ALDH1L1: variants seen among roughly 807,000 people sequenced by gnomAD.
ALDH1L1 encodes the protein aldehyde dehydrogenase 1 family member L1, also known as cytosolic 10-formyltetrahydrofolate dehydrogenase.
A neutral mutation model predicts 101.1 loss-of-function variants in ALDH1L1; 68 were observed. The observed-to-expected ratio is 0.67, with a 90% CI of 0.55 to 0.82. The LOEUF (loss-of-function observed/expected upper bound fraction) is 0.82. ALDH1L1 is among the 40% of genes least tolerant of loss of function. ALDH1L1 has a pLI of 0.00. For synonymous variants in ALDH1L1, 486 were observed against 470.8 expected (o/e 1.03, Z -0.42); for missense variants, 1,087 against 1,172.7 (o/e 0.93, Z 1.07).
At chr3:126,183,580 C>T (rs2081493550), upstream of ALDH1L1, among the ~76,000 whole-genome samples, 1 of 152,190 alleles carries the variant, frequency 6.6e-6, no homozygotes. Flanking sequence ...AAGAGACTTT[C>T]AGGACCCGCC....
At chr3:126,114,808 G>A (rs1243256866) in intron 17 of ALDH1L1, 152 bp from the exon 18 acceptor site, 1 of 544,434 alleles carries the variant, frequency 1.8e-6, no homozygotes, top group Middle Eastern at 2.7e-4. Context: ...CCCACCCCTT[G>A]CGGCTTCACA....
At chr3:126,189,489 C>T (rs1190004612) in intron 1 of ALDH1L1, among the ~76,000 whole-genome samples, 1 of 152,252 alleles carries the variant, frequency 6.6e-6, no homozygotes, top group East Asian at 1.9e-4. Context: ...GAGTTGTGAA[C>T]CCAGCCAAGG....
intron 1 of ALDH1L1, among the ~76,000 whole-genome samples, chr3:126,195,600 T>C (rs2081577310): frequency 1.3e-5 from 2 of 152,194 alleles, no homozygotes; most frequent in South Asian, 4.1e-4. Context: ...GACCCAGCCA[T>C]CCCATTACTG....
chr3:126,145,986 A>G (rs762306030), intron 9 of ALDH1L1, among the ~76,000 whole-genome samples: 2 of 151,938 alleles, frequency 1.3e-5, no homozygotes, highest in Non-Finnish European at 2.9e-5. Flanking sequence ...TTCTTGGCAT[A>G]TTTTTTACAA....
intron 14 of ALDH1L1, among the ~76,000 whole-genome samples, chr3:126,127,070 G>C (rs774441463): frequency 6.6e-6 from 1 of 152,178 alleles, no homozygotes; most frequent in Non-Finnish European, 1.5e-5. Context: ...GCCCACATCT[G>C]ACCTCAGATT....
At chr3:126,119,038 ACT>A (rs1559923859) in intron 16 of ALDH1L1, among the ~76,000 whole-genome samples, 1 of 151,820 alleles carries the variant, frequency 6.6e-6, no homozygotes, top group Non-Finnish European at 1.5e-5. Context: ...TTGGCTTCTG[ACT>A]CTGCACCCTC....
In ALDH1L1 at chr3:126,124,372, G is replaced by A. The variant is rs773630933; in HGVS notation, c.1880C>T (p.Pro627Leu). 5.6e-6 allele frequency: 9 copies of A among 1,611,360 alleles called. No individual in the cohort carries two copies. The East Asian group carries it at 1.3e-4, about 24-fold the overall frequency. ...CCGACAATGGCTCTTACCAGATCCT[G>A]GGAGGACGTTAACCACACCTTTGGG... ...GIPKGVVNVL[P>L]GSGSLVGQRL... Residue 627 changes from proline (P) to leucine (L), a missense_variant, in exon 16 of 23, where the codon CCA becomes CTA. Around this residue, in one of 2 missense-constraint regions of ALDH1L1, gnomAD observed 442 missense variants for 535.7 expected, o/e 0.83. Coordinates refer to ENST00000393434, the MANE Select transcript of ALDH1L1 (RefSeq NM_012190.4).
intron 16 of ALDH1L1, among the ~76,000 whole-genome samples, chr3:126,122,246 A>G (rs2080094134): frequency 6.6e-6 from 1 of 150,636 alleles, no homozygotes; most frequent in Non-Finnish European, 1.5e-5. Flanking sequence ...CACAGGAAAA[A>G]GCAAGGAGCA....
intron 5 of ALDH1L1, 134 bp from the exon 6 acceptor site, chr3:126,154,777 TC>T: frequency 1.4e-6 from 1 of 732,478 alleles, no homozygotes; most frequent in Non-Finnish European, 2.3e-6. Flanking sequence ...CTTGCAGGAG[TC>T]CCTGAGCTGG....
intron 14 of ALDH1L1, 113 bp downstream of exon 14, chr3:126,130,110 T>C: frequency 1.0e-6 from 1 of 966,574 alleles, no homozygotes; most frequent in Non-Finnish European, 1.4e-6. Context: ...CATGGATGGC[T>C]GTTTGATAAA....
At chr3:126,144,999 C>T (rs1007250916) in intron 9 of ALDH1L1, among the ~76,000 whole-genome samples, 1 of 152,064 alleles carries the variant, frequency 6.6e-6, no homozygotes. Context: ...ACAAATAATC[C>T]AATTTAAAAA....
At chr3:126,156,205 T>A (rs140368168) in intron 4 of ALDH1L1, 1 of 152,342 alleles carries the variant, frequency 6.6e-6, no homozygotes, top group African/African-American at 2.4e-5. Flanking sequence ...TTTAATTGAT[T>A]TAATAGCTGC....
At chr3:126,167,619 G>A (rs1209926218) in intron 1 of ALDH1L1, among the ~76,000 whole-genome samples, 4 of 151,622 alleles carry the variant, frequency 2.6e-5, no homozygotes, top group Admixed American at 2.6e-4. Context: ...GAAAAATCTG[G>A]CATACTAAAT....
chr3:126,185,921 A>G (rs1042293499), upstream of ALDH1L1, among the ~76,000 whole-genome samples: 1 of 152,194 alleles, frequency 6.6e-6, no homozygotes, highest in Non-Finnish European at 1.5e-5. Context: ...GTTTATTCTA[A>G]CTGAGTTAAC....
chr3:126,187,104 A>C (rs2081523681), intron 1 of ALDH1L1, among the ~76,000 whole-genome samples: 1 of 152,158 alleles, frequency 6.6e-6, no homozygotes. Context: ...GGGAAGGGGA[A>C]GGTAACAAGA....
At chr3:126,180,678 C>T, upstream of ALDH1L1, 1 of 1,362,908 alleles carries the variant, frequency 7.3e-7, no homozygotes, top group Non-Finnish European at 9.5e-7. Flanking sequence ...GGGCGGCGCT[C>T]ACCGGTGGTG....
chr3:126,158,017 G>A (rs1015705699), intron 3 of ALDH1L1, among the ~76,000 whole-genome samples: 3 of 152,132 alleles, frequency 2.0e-5, no homozygotes, highest in African/African-American at 7.2e-5. Context: ...CCAGAGCAGC[G>A]GCAGTGGAAG....
chr3:126,196,185 T>C (rs1210127392), intron 1 of ALDH1L1, among the ~76,000 whole-genome samples: 1 of 152,130 alleles, frequency 6.6e-6, no homozygotes, highest in African/African-American at 2.4e-5. Flanking sequence ...GTAGAGTCCT[T>C]GGAAGGACAG....
upstream of ALDH1L1, chr3:126,181,055 A>T: frequency 1.3e-6 from 2 of 1,536,614 alleles, no homozygotes; most frequent in Non-Finnish European, 1.8e-6. Flanking sequence ...GCAGCTGCGC[A>T]TCCGGGTGGA....
Sources: allele counts gnomAD v4.1 joint callset (sites outside exome capture counted in the v4.1 genomes callset), GRCh38; gene constraint gnomAD v4.1.1; regional missense constraint gnomAD v4.1.1; transcripts MANE v1.5; gene names NCBI Gene and HGNC (gene_info 2026-07-23, HGNC 2026-07-21).